Variants in PARD3 observed in about 807,000 individuals in gnomAD.
PARD3 encodes partitioning defective 3 homolog.
In PARD3, 75 loss-of-function variants were observed where a neutral mutation model predicts 155.4. The observed-to-expected ratio is 0.48, with a 90% CI of 0.40 to 0.58. PARD3 has a LOEUF of 0.58. Ranked by LOEUF, PARD3 falls within the 20% of genes least tolerant of loss-of-function variation. PARD3 has a pLI of 0.00. For synonymous variants in PARD3, 576 were observed against 610.5 expected (o/e 0.94, Z 0.83); for missense variants, 1,642 against 1,721.7 (o/e 0.95, Z 0.82).
At chr10:34,195,129 C>T (rs923835618) in intron 22 of PARD3, among the ~76,000 whole-genome samples, 4 of 152,188 alleles carry the variant, frequency 2.6e-5, no homozygotes, top group African/African-American at 4.8e-5. Flanking sequence ...CAATAATTAA[C>T]GGAGTAGCTG....
In PARD3 at chr10:34,337,277, C is replaced by T; in HGVS notation, c.2558G>A (p.Gly853Asp). The change falls in exon 17 of 25, where the codon GGT becomes GAT. Residue 853 changes from glycine (G) to aspartate (D), a missense_variant and splice_region_variant. Around this residue, in one of 3 missense-constraint regions of PARD3, gnomAD observed 1,529 missense variants for 1,587.3 expected, o/e 0.96. Transcript: ENST00000374788. Reference protein sequence around the residue: ...KTRKSKSMDLGIADETKLNTV... With the variant: ...KTRKSKSMDLDIADETKLNTV... ...AGATTCATGGAGATTGTACTCACTA[C>T]CTAAATCCATGCTTTTTGATTTTCG... 1 of 1,584,700 alleles carries T rather than the reference C, an allele frequency of 6.3e-7. No homozygotes were observed. The highest frequency in any genetic ancestry group is 8.6e-7 in the Non-Finnish European group (1 of 1,165,650).
At chr10:34,435,547 A>G (rs1217585612) in intron 5 of PARD3, among the ~76,000 whole-genome samples, 1 of 152,250 alleles carries the variant, frequency 6.6e-6, no homozygotes, top group African/African-American at 2.4e-5. Context: ...CTGTTGACTA[A>G]GCCCCCAAAT....
At chr10:34,459,882 G>A (rs761281319) in intron 4 of PARD3, among the ~76,000 whole-genome samples, 4 of 152,108 alleles carry the variant, frequency 2.6e-5, no homozygotes, top group South Asian at 2.1e-4. Context: ...GGATGGATGC[G>A]TAGAAGAATT....
intron 22 of PARD3, among the ~76,000 whole-genome samples, chr10:34,222,351 G>T (rs1159542700): frequency 6.6e-6 from 1 of 152,178 alleles, no homozygotes; most frequent in African/African-American, 2.4e-5. Flanking sequence ...GGACAACTAA[G>T]GCCTGCCCAG....
At chr10:34,560,154 C>T (rs1196500901) in intron 2 of PARD3, among the ~76,000 whole-genome samples, 1 of 152,068 alleles carries the variant, frequency 6.6e-6, no homozygotes, top group Admixed American at 6.6e-5. Context: ...ACAGGAGAAA[C>T]CATAGCTAAC....
At chr10:34,500,604 G>A (rs1041116574) in intron 3 of PARD3, among the ~76,000 whole-genome samples, 1 of 152,116 alleles carries the variant, frequency 6.6e-6, no homozygotes, top group African/African-American at 2.4e-5. Flanking sequence ...AGCTGGGTGT[G>A]GTGGCTCATG....
At chr10:34,451,893 C>T (rs1351067350) in intron 4 of PARD3, among the ~76,000 whole-genome samples, 1 of 150,800 alleles carries the variant, frequency 6.6e-6, no homozygotes, top group Non-Finnish European at 1.5e-5. Context: ...CTCCTTAAAA[C>T]TTAAGCTTCA....
chr10:34,551,940 G>T (rs1237879566), intron 2 of PARD3, among the ~76,000 whole-genome samples: 1 of 152,176 alleles, frequency 6.6e-6, no homozygotes, highest in Non-Finnish European at 1.5e-5. Context: ...CACTGCCAAA[G>T]GTTGTCTGTC....
At chr10:34,470,058 C>A (rs1202549904) in intron 4 of PARD3, 27 bp downstream of exon 4, 1 of 1,554,648 alleles carries the variant, frequency 6.4e-7, no homozygotes, top group Non-Finnish European at 8.7e-7. Context: ...GGGCAAGAGA[C>A]AGCAGCAAAC....
chr10:34,204,050 A>G (rs182085220), intron 22 of PARD3, among the ~76,000 whole-genome samples: 265 of 152,334 alleles, frequency 1.7e-3, no homozygotes, highest in Non-Finnish European at 2.9e-3. Flanking sequence ...GAGGTTTCTG[A>G]ATAGTAAATG....
intron 22 of PARD3, among the ~76,000 whole-genome samples, chr10:34,183,673 G>A (rs981729823): frequency 4.6e-5 from 7 of 152,126 alleles, no homozygotes; most frequent in Non-Finnish European, 8.8e-5. Flanking sequence ...AGGTTTTCAC[G>A]GGGCTACGTA....
intron 15 of PARD3, chr10:34,344,766 GC>G (rs1166134419): frequency 1.0e-6 from 1 of 985,236 alleles, no homozygotes; most frequent in Admixed American, 6.2e-5. Flanking sequence ...GAGAAATCTT[GC>G]CTTTGGTCAC....
At chr10:34,258,544 A>C (rs1021999520) in intron 22 of PARD3, among the ~76,000 whole-genome samples, 4 of 152,196 alleles carry the variant, frequency 2.6e-5, no homozygotes, top group African/African-American at 9.7e-5. Flanking sequence ...GGTGACTGAT[A>C]GGCACAGGAA....
intron 4 of PARD3, among the ~76,000 whole-genome samples, chr10:34,461,381 G>C (rs546804981): frequency 6.6e-6 from 1 of 152,304 alleles, no homozygotes; most frequent in South Asian, 2.1e-4. Context: ...GAGGCGGGTG[G>C]ATCACCTGAA....
chr10:34,432,847 A>G (rs1263987011), intron 5 of PARD3, among the ~76,000 whole-genome samples: 1 of 152,222 alleles, frequency 6.6e-6, no homozygotes, highest in Non-Finnish European at 1.5e-5. Flanking sequence ...AAGGAAGAGC[A>G]TGTAAAAACC....
At chr10:34,436,884 G>A (rs548806821) in intron 5 of PARD3, among the ~76,000 whole-genome samples, 11 of 152,160 alleles carry the variant, frequency 7.2e-5, no homozygotes, top group Non-Finnish European at 1.0e-4. Flanking sequence ...ATATGTTTCC[G>A]TATTTGCTCA....
intron 2 of PARD3, among the ~76,000 whole-genome samples, chr10:34,661,079 AT>A (rs1327335019): frequency 6.6e-6 from 1 of 152,202 alleles, no homozygotes; most frequent in African/African-American, 2.4e-5. Context: ...AAACACTCAG[AT>A]TATGACTAAT....
intron 20 of PARD3, among the ~76,000 whole-genome samples, chr10:34,286,617 T>C (rs1956405298): frequency 6.6e-6 from 1 of 152,078 alleles, no homozygotes; most frequent in South Asian, 2.1e-4. Flanking sequence ...ATTCCAGTGA[T>C]AGGGCTAGAA....
At chr10:34,267,821 C>T (rs1052707448) in intron 22 of PARD3, among the ~76,000 whole-genome samples, 1 of 152,116 alleles carries the variant, frequency 6.6e-6, no homozygotes, top group African/African-American at 2.4e-5. Context: ...GTAAGAAATG[C>T]AAATTATTGG....
Sources: gnomAD v4.1 joint callset for allele counts (sites outside exome capture counted in the v4.1 genomes callset) on GRCh38, gnomAD v4.1.1 for gene constraint, gnomAD v4.1.1 regional missense constraint, MANE v1.5 for transcripts, NCBI Gene and HGNC (gene_info 2026-07-23, HGNC 2026-07-21) for gene names.